STXBP5L: variants seen among roughly 807,000 people sequenced by gnomAD.
The protein encoded by STXBP5L is syntaxin-binding protein 5-like.
Under a neutral mutation model 144.5 loss-of-function variants are expected in STXBP5L, and 65 were observed. The ratio of observed to expected loss-of-function variants is 0.45; its 90% confidence interval spans 0.37 to 0.55. STXBP5L has a LOEUF of 0.55. Among genes scored for constraint, STXBP5L ranks in the 20% least tolerant of loss-of-function variants. The pLI is 0.00. For missense variants in STXBP5L, 1,298 were observed against 1,405.5 expected, an observed-to-expected ratio of 0.92 and a Z score of 1.22; for synonymous variants, 505 against 469.6, an observed-to-expected ratio of 1.08 and a Z score of -0.97.
chr3:121,197,630 T>C (rs1180037270), intron 9 of STXBP5L, among the ~76,000 whole-genome samples: 3 of 152,026 alleles, frequency 2.0e-5, no homozygotes, highest in African/African-American at 7.2e-5. Flanking sequence ...CATTAGGTAT[T>C]TGTCTTAATA....
chr3:121,368,349 A>G (rs745352046), intron 20 of STXBP5L, among the ~76,000 whole-genome samples: 1 of 151,248 alleles, frequency 6.6e-6, no homozygotes, highest in Non-Finnish European at 1.5e-5. Context: ...CTATCTCTTT[A>G]CTGATATTTA....
chr3:121,168,324 T>A lies in STXBP5L; in HGVS notation c.877+10697T>A, dbSNP rs563309751. On this transcript the variant is annotated intron_variant, in intron 9 of 26. Transcript: ENST00000471454. ...CACCTCGCTAGCAAGGGAACAAAACTTGATGGAGAATGAGTTTGACAAATT... is the reference window on the plus strand; with the variant it reads ...CACCTCGCTAGCAAGGGAACAAAACATGATGGAGAATGAGTTTGACAAATT... 2.8e-4 allele frequency among the ~76,000 whole-genome samples: 42 copies of A among 152,096 alleles called. No individual in the cohort carries two copies. In the East Asian group the frequency reaches 7.9e-3, roughly 29 times the overall value.
At chr3:121,006,863 T>G (rs954336881) in intron 3 of STXBP5L, among the ~76,000 whole-genome samples, 2 of 152,196 alleles carry the variant, frequency 1.3e-5, no homozygotes, top group Non-Finnish European at 2.9e-5. Context: ...TCTTTAAGAA[T>G]GTTGAATATT....
intron 5 of STXBP5L, among the ~76,000 whole-genome samples, chr3:121,103,600 C>T (rs948956763): frequency 6.6e-6 from 1 of 152,062 alleles, no homozygotes; most frequent in East Asian, 1.9e-4. Flanking sequence ...TCAATATACC[C>T]ATGCAGCACA....
intron 9 of STXBP5L, among the ~76,000 whole-genome samples, chr3:121,169,021 T>A (rs542807482): frequency 3.3e-5 from 5 of 152,070 alleles, no homozygotes; most frequent in Non-Finnish European, 5.9e-5. Flanking sequence ...CAGAAGAGAG[T>A]GGGGACCAAT....
chr3:121,005,566 A>T (rs1024183107), intron 3 of STXBP5L, among the ~76,000 whole-genome samples: 6 of 151,930 alleles, frequency 3.9e-5, no homozygotes, highest in Admixed American at 2.6e-4. Context: ...TTCTGCTCTG[A>T]TCTTAGTTAT....
intron 10 of STXBP5L, among the ~76,000 whole-genome samples, chr3:121,208,972 T>C (rs969562658): frequency 6.6e-6 from 1 of 151,844 alleles, no homozygotes; most frequent in African/African-American, 2.4e-5. Flanking sequence ...CCTATGTCCA[T>C]GTATTCTCAT....
intron 9 of STXBP5L, among the ~76,000 whole-genome samples, chr3:121,183,205 T>C (rs1044513084): frequency 4.6e-5 from 7 of 152,156 alleles, no homozygotes; most frequent in Non-Finnish European, 1.0e-4. Flanking sequence ...AGGGAAAAGA[T>C]GAAAGCATTC....
At position 121,182,824 on chromosome 3, in the gene STXBP5L, C is replaced by T. The variant is rs561160838; in HGVS notation, c.878-23099C>T. Among the ~76,000 whole-genome samples the T allele has an allele frequency of 3.9e-5, 6 of 152,196 alleles. No individual in the cohort carries two copies. The East Asian group carries it at 9.7e-4, about 25-fold the overall frequency. ...GAAATGAAAGGAGAGATATTACAAC[C>T]GATACCTTAGAAAAACAAAAGATCA... On this transcript the variant is annotated intron_variant, in intron 9 of 26. Transcript: ENST00000471454.
At chr3:121,240,711 T>C (rs2049637461) in intron 14 of STXBP5L, among the ~76,000 whole-genome samples, 2 of 152,144 alleles carry the variant, frequency 1.3e-5, no homozygotes, top group South Asian at 4.1e-4. Context: ...AAAGAAAGCA[T>C]AGATTATATC....
chr3:120,936,041 C>T (rs191811573), intron 2 of STXBP5L, among the ~76,000 whole-genome samples: 74 of 152,138 alleles, frequency 4.9e-4, no homozygotes, highest in African/African-American at 1.7e-3. Context: ...CTAGGATATT[C>T]GATTCTTCTT....
At chr3:121,305,593 A>G (rs1381993217) in intron 19 of STXBP5L, among the ~76,000 whole-genome samples, 2 of 152,200 alleles carry the variant, frequency 1.3e-5, no homozygotes, top group African/African-American at 4.8e-5. Flanking sequence ...ATTTGATAAA[A>G]TTAGATATTT....
At chr3:121,300,000 A>G (rs1029718439) in intron 19 of STXBP5L, among the ~76,000 whole-genome samples, 3 of 151,166 alleles carry the variant, frequency 2.0e-5, no homozygotes, top group Non-Finnish European at 4.4e-5. Flanking sequence ...AAAAAATACA[A>G]AGAAAACGAC....
chr3:120,922,790 A>G (rs1256726453), intron 2 of STXBP5L, among the ~76,000 whole-genome samples: 3 of 151,674 alleles, frequency 2.0e-5, no homozygotes, highest in Admixed American at 6.6e-5. Flanking sequence ...GAGGATTGTC[A>G]CATCTGTGTT....
chr3:121,255,497 A>G (rs1396464536), intron 16 of STXBP5L, among the ~76,000 whole-genome samples: 1 of 152,028 alleles, frequency 6.6e-6, no homozygotes, highest in Non-Finnish European at 1.5e-5. Flanking sequence ...ATTGTGGAAT[A>G]TACACCTATA....
chr3:121,088,075 G>A (rs2042587808), intron 5 of STXBP5L, among the ~76,000 whole-genome samples: 1 of 151,870 alleles, frequency 6.6e-6, no homozygotes, highest in African/African-American at 2.4e-5. Context: ...GGCAACAAAA[G>A]CCAAAATTGA....
rs764805897 is a variant in STXBP5L at position 121,407,412 on chromosome 3, A to T, written c.2757A>T (p.Glu919Asp). Residue 919 changes from glutamate to aspartate, a missense_variant, in exon 23 of 27, where the codon GAA becomes GAT. Transcript: ENST00000471454. ...VVMNSSSASQ[E>D]IGDHQYTIIC... Reference sequence around the variant, plus strand: ...TGAACTCATCTTCTGCATCCCAAGAAATAGGAGATCATCAGTATACAATAA... The same window carrying T: ...TGAACTCATCTTCTGCATCCCAAGATATAGGAGATCATCAGTATACAATAA... 2 of 1,613,164 alleles carry T rather than the reference A, an allele frequency of 1.2e-6. No homozygotes were observed. The highest frequency in any genetic ancestry group is 1.1e-5 in the South Asian group (1 of 91,052).
chr3:121,099,158 C>T (rs1161213795), intron 5 of STXBP5L: 2 of 152,160 alleles, frequency 1.3e-5, no homozygotes, highest in East Asian at 1.9e-4. Flanking sequence ...AACCAATCTG[C>T]CTTTATGAGA....
chr3:121,282,329 C>A, intron 19 of STXBP5L: 2 of 1,611,342 alleles, frequency 1.2e-6, no homozygotes, highest in African/African-American at 1.3e-5. Flanking sequence ...ATCCGTACTT[C>A]CTATCAGAGT....
Sources: allele counts gnomAD v4.1 joint callset (sites outside exome capture counted in the v4.1 genomes callset), GRCh38; gene constraint gnomAD v4.1.1; transcripts MANE v1.5; gene names NCBI Gene and HGNC (gene_info 2026-07-23, HGNC 2026-07-21).